Variants in PROS1 observed in about 807,000 individuals in gnomAD.
The protein encoded by PROS1 is vitamin K-dependent protein S.
Under a neutral mutation model 75.9 loss-of-function variants are expected in PROS1, and 29 were observed. That is an observed-to-expected ratio of 0.38 (90% CI 0.28 to 0.52). The LOEUF (loss-of-function observed/expected upper bound fraction) is 0.52. Ranked by LOEUF, PROS1 falls within the 20% of genes least tolerant of loss-of-function variation. The probability of loss-of-function intolerance (pLI) is 0.83; values close to 1 mark genes in which losing one functional copy is unlikely to be tolerated. For synonymous variants in PROS1, 245 were observed against 280.6 expected, an observed-to-expected ratio of 0.87 and a Z score of 1.27; for missense variants, 680 against 810.3, an observed-to-expected ratio of 0.84 and a Z score of 1.95.
At chr3:93,914,621 C>CT (rs1708812790) in intron 3 of PROS1, among the ~76,000 whole-genome samples, 1 of 152,118 alleles carries the variant, frequency 6.6e-6, no homozygotes. Context: ...TCTTTGAGGT[C>CT]TTTCGCCCAT....
At chr3:93,947,579 T>A (rs926774685) in intron 1 of PROS1, among the ~76,000 whole-genome samples, 3 of 151,996 alleles carry the variant, frequency 2.0e-5, no homozygotes, top group Admixed American at 1.3e-4. Flanking sequence ...ATTTTCTTTT[T>A]TTTTTCTGAG....
At chr3:93,942,463 A>G (rs1352100966) in intron 1 of PROS1, among the ~76,000 whole-genome samples, 1 of 152,184 alleles carries the variant, frequency 6.6e-6, no homozygotes, top group Non-Finnish European at 1.5e-5. Flanking sequence ...AGGGCCATCA[A>G]AAGGCATCAG....
At chr3:93,927,984 T>G (rs1317467244) in intron 1 of PROS1, among the ~76,000 whole-genome samples, 1 of 27,634 alleles carries the variant, frequency 3.6e-5, no homozygotes, top group African/African-American at 1.2e-4. Context: ...TATATATATG[T>G]GTGTGTGTGT....
chr3:93,885,889 C>A (rs1352818097), intron 11 of PROS1, among the ~76,000 whole-genome samples: 1 of 152,022 alleles, frequency 6.6e-6, no homozygotes, highest in African/African-American at 2.4e-5. Flanking sequence ...ATGTGCTATT[C>A]TTTAGCTCTT....
intron 1 of PROS1, among the ~76,000 whole-genome samples, chr3:93,941,626 C>A (rs1277693273): frequency 6.6e-6 from 1 of 152,202 alleles, no homozygotes; most frequent in Non-Finnish European, 1.5e-5. Flanking sequence ...CTCTCCCTGA[C>A]TCATCCCAAC....
chr3:93,950,406 A>G (rs1388263313), intron 1 of PROS1, among the ~76,000 whole-genome samples: 1 of 152,180 alleles, frequency 6.6e-6, no homozygotes, highest in African/African-American at 2.4e-5. Flanking sequence ...CCTGACCCCC[A>G]AGTAGCTTAA....
At chr3:93,928,789 A>C in intron 1 of PROS1, 2 of 1,252,276 alleles carry the variant, frequency 1.6e-6, no homozygotes, top group Non-Finnish European at 2.1e-6. Flanking sequence ...TTTCTAAAAT[A>C]TAAACAAACT....
At position 93,874,222 on chromosome 3, in the gene PROS1, A is replaced by G; in HGVS notation, c.*23T>C. 1 of 1,612,188 alleles carries G rather than the reference A, an allele frequency of 6.2e-7. No homozygotes were observed. Among genetic ancestry groups the G allele is most frequent in the Non-Finnish European group, 8.5e-7 (1 of 1,178,406 alleles). On this transcript the variant is annotated 3_prime_UTR_variant, in exon 15 of 15. Transcript: ENST00000394236. ...GTATAATTACACACAAGGAAAAGGT[A>G]TTATAAGCAGAGAAAAGATGCCTTA... is the stretch of plus-strand genomic sequence containing the variant.
chr3:93,933,449 C>A (rs1709135585), intron 1 of PROS1, among the ~76,000 whole-genome samples: 1 of 151,944 alleles, frequency 6.6e-6, no homozygotes, highest in African/African-American at 2.4e-5. Context: ...GTGGCGCACA[C>A]CTGGAATCCC....
chr3:93,932,371 A>G (rs1709118932), intron 1 of PROS1, among the ~76,000 whole-genome samples: 2 of 152,202 alleles, frequency 1.3e-5, no homozygotes, highest in Admixed American at 1.3e-4. Context: ...GTATTAGCAC[A>G]CTGTCCCTTA....
At chr3:93,911,268 T>C (rs1165506269) in intron 3 of PROS1, 1 of 153,236 alleles carries the variant, frequency 6.5e-6, no homozygotes, top group African/African-American at 2.4e-5. Flanking sequence ...TATAGCAACC[T>C]GGTAGATATT....
intron 1 of PROS1, among the ~76,000 whole-genome samples, chr3:93,930,336 G>A (rs994234361): frequency 1.4e-4 from 21 of 152,138 alleles, no homozygotes; most frequent in Admixed American, 4.6e-4. Flanking sequence ...GTAGTTTTAC[G>A]CATGCTAGTT....
chr3:93,885,068 T>G (rs1204211193), intron 11 of PROS1, among the ~76,000 whole-genome samples, 172 bp from the exon 12 acceptor site: 1 of 152,228 alleles, frequency 6.6e-6, no homozygotes, highest in Non-Finnish European at 1.5e-5. Context: ...TGGACAGTCT[T>G]TTTCAGTACA....
At position 93,905,933 on chromosome 3, in the gene PROS1, T is replaced by G; in HGVS notation, c.470-18A>C. ...ATTTATGTCTAAAACAGGAAAAAAA[T>G]AAATTATTTTTAAAGTAATATAACC... On this transcript the variant is annotated intron_variant, in intron 5 of 14. Coordinates refer to ENST00000394236, the MANE Select transcript of PROS1 (RefSeq NM_000313.4). The G allele has an allele frequency of 6.2e-7, 1 of 1,612,124 alleles. No homozygotes were observed. The highest frequency in any genetic ancestry group is 1.3e-5 in the African/African-American group (1 of 74,864).
intron 3 of PROS1, among the ~76,000 whole-genome samples, chr3:93,923,912 A>AC (rs915803952): frequency 6.6e-6 from 1 of 152,076 alleles, no homozygotes; most frequent in African/African-American, 2.4e-5. Flanking sequence ...ACAAAAAAAA[A>AC]AAAACAGTTA....
At chr3:93,966,373 T>C (rs993257194) in intron 1 of PROS1, among the ~76,000 whole-genome samples, 1 of 152,148 alleles carries the variant, frequency 6.6e-6, no homozygotes, top group African/African-American at 2.4e-5. Context: ...CAGGTGAACA[T>C]TCACAAGACA....
At chr3:93,876,588 C>CAAAAAAAAA (rs34147087) in intron 14 of PROS1, among the ~76,000 whole-genome samples, 4 of 34,974 alleles carry the variant, frequency 1.1e-4, no homozygotes, top group African/African-American at 2.1e-4. Context: ...GACTCCATCT[C>CAAAAAAAAA]AAAAAAAAAA....
At chr3:93,931,935 G>A (rs558517223) in intron 1 of PROS1, among the ~76,000 whole-genome samples, 1 of 152,288 alleles carries the variant, frequency 6.6e-6, no homozygotes, top group South Asian at 2.1e-4. Context: ...ATAATTAGCT[G>A]TCCTTTACAA....
intron 1 of PROS1, among the ~76,000 whole-genome samples, chr3:93,935,140 A>G (rs1290557335): frequency 6.6e-6 from 1 of 152,200 alleles, no homozygotes; most frequent in Non-Finnish European, 1.5e-5. Flanking sequence ...TCAGTGATCA[A>G]TGAAGATGCT....
Sources: allele counts gnomAD v4.1 joint callset (sites outside exome capture counted in the v4.1 genomes callset), GRCh38; gene constraint gnomAD v4.1.1; transcripts MANE v1.5; gene names NCBI Gene and HGNC (gene_info 2026-07-23, HGNC 2026-07-21).